The following EXOC4 variants were observed in gnomAD, a reference collection of about 807,000 sequenced individuals.
EXOC4 encodes exocyst complex component 4.
Under a neutral mutation model 107.2 loss-of-function variants are expected in EXOC4, and 71 were observed. The observed-to-expected ratio is 0.66, with a 90% CI of 0.55 to 0.81. The LOEUF is 0.81. Among genes scored for constraint, EXOC4 ranks in the 30% least tolerant of loss-of-function variants. EXOC4 has a pLI of 0.00. For missense variants in EXOC4, 1,108 were observed against 1,189.6 expected (o/e 0.93, Z 1.01); for synonymous variants, 456 against 441.2 (o/e 1.03, Z -0.42).
chr7:133,952,563 G>C (rs1800717901), intron 14 of EXOC4, among the ~76,000 whole-genome samples: 1 of 152,126 alleles, frequency 6.6e-6, no homozygotes, highest in Non-Finnish European at 1.5e-5. Flanking sequence ...TCACATTATT[G>C]AGTAGCCATC....
Position 133,692,121 on chromosome 7 carries a change from C to G in EXOC4, c.1514+61980C>G, listed in dbSNP as rs967883363. Among the ~76,000 whole-genome samples the G allele has an allele frequency of 2.6e-5, 4 of 152,178 alleles. No individual in the cohort carries two copies. The East Asian group carries it at 7.7e-4, about 29-fold the overall frequency. ...GGAGTATGTCTGTGGTAGTTTTAAC[C>G]TGAAAAATTTATGAAGCAGTAGTAA... On this transcript the variant is annotated intron_variant, in intron 10 of 17. Coordinates refer to ENST00000253861, the MANE Select transcript of EXOC4 (RefSeq NM_021807.4).
intron 11 of EXOC4, among the ~76,000 whole-genome samples, chr7:133,852,885 T>G (rs6979346): frequency 0.17 from 25,374 of 152,194 alleles, 2,635 homozygotes; most frequent in African/African-American, 0.28. Flanking sequence ...CATTTATTGC[T>G]TACTTTCACA....
At chr7:134,097,576 G>T in the EXOC4 span, among the ~76,000 whole-genome samples, 1 of 152,136 alleles carries the variant, frequency 6.6e-6, no homozygotes, top group Non-Finnish European at 1.5e-5. Context: ...AGGAGAAAAT[G>T]GTTTATAGAC....
At chr7:133,879,501 T>C (rs1332996170) in intron 11 of EXOC4, among the ~76,000 whole-genome samples, 1 of 152,256 alleles carries the variant, frequency 6.6e-6, no homozygotes, top group Non-Finnish European at 1.5e-5. Flanking sequence ...ACTTGAAAGA[T>C]AGCACAAATG....
intron 9 of EXOC4, among the ~76,000 whole-genome samples, chr7:133,515,981 C>T (rs1263769631): frequency 6.6e-6 from 1 of 152,124 alleles, no homozygotes; most frequent in Non-Finnish European, 1.5e-5. Context: ...AGTTGCTCTT[C>T]AGTGTTAATT....
chr7:133,333,627 C>T (rs1345061754), intron 5 of EXOC4, among the ~76,000 whole-genome samples: 2 of 152,120 alleles, frequency 1.3e-5, no homozygotes, highest in Admixed American at 1.3e-4. Context: ...ACATATACAT[C>T]TATATGTATC....
chr7:133,834,197 C>T (rs985429942), intron 11 of EXOC4, among the ~76,000 whole-genome samples: 3 of 152,094 alleles, frequency 2.0e-5, no homozygotes, highest in African/African-American at 7.2e-5. Flanking sequence ...ACCCCTTTTC[C>T]CTTTTTCTCC....
intron 3 of EXOC4, among the ~76,000 whole-genome samples, chr7:133,293,447 C>G (rs893430893): frequency 2.0e-5 from 3 of 152,176 alleles, no homozygotes; most frequent in African/African-American, 4.8e-5. Flanking sequence ...CAATCTAGTC[C>G]TTCAAAACCC....
At chr7:133,390,063 T>C (rs1796818340) in intron 7 of EXOC4, among the ~76,000 whole-genome samples, 2 of 152,088 alleles carry the variant, frequency 1.3e-5, no homozygotes, top group Non-Finnish European at 2.9e-5. Flanking sequence ...AGATGAGATC[T>C]GGGTGGGGAC....
intron 10 of EXOC4, among the ~76,000 whole-genome samples, chr7:133,679,039 A>T (rs180685821): frequency 6.6e-4 from 101 of 152,168 alleles, no homozygotes; most frequent in African/African-American, 2.3e-3. Context: ...AACCGATGTC[A>T]TAACTTCTGT....
chr7:133,748,734 G>A (rs1160356859), intron 10 of EXOC4, among the ~76,000 whole-genome samples: 1 of 152,128 alleles, frequency 6.6e-6, no homozygotes, highest in African/African-American at 2.4e-5. Context: ...CAGCATTTGC[G>A]AGAGATTCAG....
chr7:133,380,857 GGT>G (rs1796603508), intron 7 of EXOC4, among the ~76,000 whole-genome samples: 1 of 152,122 alleles, frequency 6.6e-6, no homozygotes, highest in Non-Finnish European at 1.5e-5. Flanking sequence ...AAAGGTGAGA[GGT>G]CTGACATAGA....
intron 10 of EXOC4, among the ~76,000 whole-genome samples, chr7:133,783,799 G>T (rs1386541015): frequency 1.3e-5 from 2 of 152,214 alleles, no homozygotes; most frequent in African/African-American, 4.8e-5. Flanking sequence ...AGGTAGTACA[G>T]ATTTGGGGCT....
intron 10 of EXOC4, among the ~76,000 whole-genome samples, chr7:133,695,412 C>T (rs745818291): frequency 2.6e-5 from 4 of 151,932 alleles, no homozygotes; most frequent in African/African-American, 4.8e-5. Flanking sequence ...GTGGTTATTA[C>T]GAATAGTGTT....
chr7:133,773,437 T>C (rs966082419), intron 10 of EXOC4, among the ~76,000 whole-genome samples: 30 of 151,304 alleles, frequency 2.0e-4, no homozygotes, highest in African/African-American at 7.3e-4. Context: ...TGGAGAAGAG[T>C]CTGTTAATCT....
intron 10 of EXOC4, among the ~76,000 whole-genome samples, chr7:133,743,297 G>A (rs1795606925): frequency 6.6e-6 from 1 of 152,094 alleles, no homozygotes; most frequent in Non-Finnish European, 1.5e-5. Flanking sequence ...CTGATTGAAG[G>A]CCCTGATTGA....
At chr7:133,434,380 T>TA (rs1348417073) in intron 7 of EXOC4, among the ~76,000 whole-genome samples, 1 of 152,226 alleles carries the variant, frequency 6.6e-6, no homozygotes, top group Non-Finnish European at 1.5e-5. Flanking sequence ...AGATATTGTG[T>TA]AAAAGCTCAG....
intron 9 of EXOC4, chr7:133,484,143 A>G: frequency 1.9e-6 from 3 of 1,609,234 alleles, no homozygotes; most frequent in South Asian, 2.2e-5. Flanking sequence ...TTATCATACA[A>G]TTAGAAATGT....
At chr7:133,425,661 A>G (rs187647970) in intron 7 of EXOC4, among the ~76,000 whole-genome samples, 12 of 152,266 alleles carry the variant, frequency 7.9e-5, no homozygotes, top group Non-Finnish European at 1.6e-4. Flanking sequence ...GACATGCCCC[A>G]TTATACCTCT....
Sources: allele counts gnomAD v4.1 joint callset (sites outside exome capture counted in the v4.1 genomes callset), GRCh38; gene constraint gnomAD v4.1.1; transcripts MANE v1.5; gene names NCBI Gene and HGNC (gene_info 2026-07-23, HGNC 2026-07-21).